Variants in PLEKHH2 observed in about 807,000 individuals in gnomAD.
The protein encoded by PLEKHH2 is pleckstrin homology domain-containing family H member 2.
In PLEKHH2, 129 loss-of-function variants were observed where a neutral mutation model predicts 187.9. That is an observed-to-expected ratio of 0.69 (90% confidence interval 0.59 to 0.79). The LOEUF (loss-of-function observed/expected upper bound fraction) is 0.79. Among genes scored for constraint, PLEKHH2 ranks in the 30% least tolerant of loss-of-function variants. The pLI, the probability that PLEKHH2 is intolerant of heterozygous loss-of-function variation, is 0.00. For synonymous variants in PLEKHH2, 686 were observed against 605.6 expected (o/e 1.13, Z -1.95); for missense variants, 2,076 against 1,751.2 (o/e 1.19, Z -3.31).
intron 3 of PLEKHH2, among the ~76,000 whole-genome samples, chr2:43,682,619 T>C (rs561758871): frequency 2.0e-5 from 3 of 152,316 alleles, no homozygotes; most frequent in South Asian, 4.1e-4. Context: ...TTAACATTTT[T>C]AAATGAACAT....
intron 3 of PLEKHH2, among the ~76,000 whole-genome samples, chr2:43,685,306 T>A (rs1350641774): frequency 6.6e-6 from 1 of 152,242 alleles, no homozygotes; most frequent in South Asian, 2.1e-4. Context: ...TGTTTATCAA[T>A]GAATGGCATC....
chr2:43,734,777 A>G (rs1261480887), intron 19 of PLEKHH2, among the ~76,000 whole-genome samples: 1 of 152,224 alleles, frequency 6.6e-6, no homozygotes, highest in Admixed American at 6.5e-5. Flanking sequence ...AAGTCAGTAT[A>G]TTGAAGAGAT....
At chr2:43,679,807 T>A (rs1301157023) in intron 3 of PLEKHH2, among the ~76,000 whole-genome samples, 1 of 152,174 alleles carries the variant, frequency 6.6e-6, no homozygotes, top group African/African-American at 2.4e-5. Context: ...TTTTCATACT[T>A]TGAGTTTTTT....
At chr2:43,762,206 G>A in intron 27 of PLEKHH2, 98 bp from the exon 28 acceptor site, 1 of 912,832 alleles carries the variant, frequency 1.1e-6, no homozygotes, top group East Asian at 2.5e-5. Flanking sequence ...TGTTATTATT[G>A]TTGTTTAATG....
chr2:43,745,716 C>T (rs904358981), intron 23 of PLEKHH2, 150 bp from the exon 24 acceptor site: 21 of 541,502 alleles, frequency 3.9e-5, no homozygotes, highest in Non-Finnish European at 6.5e-5. Context: ...ACATACTAAA[C>T]TCAGAGCCGC....
At chr2:43,680,888 A>T (rs761887494) in intron 3 of PLEKHH2, 17 of 576,116 alleles carry the variant, frequency 3.0e-5, no homozygotes, top group Admixed American at 7.6e-5. Context: ...TTTGACAAGT[A>T]GAATTTCTGT....
intron 20 of PLEKHH2, 108 bp downstream of exon 20, chr2:43,738,628 G>C (rs1391891359): frequency 8.1e-6 from 9 of 1,113,536 alleles, no homozygotes; most frequent in Non-Finnish European, 1.1e-5. Context: ...AAAAAGTGCA[G>C]AAGGAAAAAT....
intron 19 of PLEKHH2, among the ~76,000 whole-genome samples, chr2:43,733,991 A>G (rs1671173421): frequency 6.6e-6 from 1 of 152,204 alleles, no homozygotes; most frequent in Non-Finnish European, 1.5e-5. Context: ...GAAAATCTAA[A>G]CAGAGGAGTT....
At chr2:43,741,218 A>T (rs767023801) in intron 21 of PLEKHH2, 175 bp downstream of exon 21, 1 of 483,310 alleles carries the variant, frequency 2.1e-6, no homozygotes, top group Non-Finnish European at 3.5e-6. Context: ...TTCCTTTGTT[A>T]TGTTAAATCT....
chr2:43,753,068 A>G (rs997043199), intron 24 of PLEKHH2, among the ~76,000 whole-genome samples: 2 of 152,146 alleles, frequency 1.3e-5, no homozygotes, highest in African/African-American at 2.4e-5. Context: ...GCTGTGTCCA[A>G]GGTATTCAGG....
At chr2:43,647,435 A>T (rs1666234463) in intron 2 of PLEKHH2, among the ~76,000 whole-genome samples, 1 of 152,156 alleles carries the variant, frequency 6.6e-6, no homozygotes, top group Non-Finnish European at 1.5e-5. Flanking sequence ...CTATCAGCCT[A>T]TATGGCCTTT....
chr2:43,712,468 A>T, intron 15 of PLEKHH2, 85 bp downstream of exon 15: 1 of 1,420,012 alleles, frequency 7.0e-7, no homozygotes. Flanking sequence ...CAGAGCATAT[A>T]CATATATTGA....
chr2:43,683,320 G>C (rs1668327428), intron 3 of PLEKHH2, among the ~76,000 whole-genome samples: 1 of 151,796 alleles, frequency 6.6e-6, no homozygotes, highest in African/African-American at 2.4e-5. Context: ...TGTATTTTTA[G>C]TAGAGATGGG....
intron 26 of PLEKHH2, among the ~76,000 whole-genome samples, chr2:43,757,481 C>A (rs1217725527): frequency 1.3e-5 from 2 of 150,392 alleles, no homozygotes; most frequent in African/African-American, 4.9e-5. Context: ...GTGCAGTGGC[C>A]CAATCTCGGC....
At chr2:43,644,201 C>A (rs1448881611) in intron 1 of PLEKHH2, among the ~76,000 whole-genome samples, 4 of 152,020 alleles carry the variant, frequency 2.6e-5, no homozygotes, top group African/African-American at 9.7e-5. Context: ...TGTAATACTT[C>A]CTTAAATTTC....
At chr2:43,658,709 G>T (rs1666912955) in intron 2 of PLEKHH2, 1 of 152,242 alleles carries the variant, frequency 6.6e-6, no homozygotes, top group Admixed American at 6.5e-5. Context: ...GCTTCCCCCA[G>T]AGCAAGTCAT....
intron 2 of PLEKHH2, among the ~76,000 whole-genome samples, chr2:43,676,972 T>A (rs927439986): frequency 6.6e-6 from 1 of 152,176 alleles, no homozygotes; most frequent in African/African-American, 2.4e-5. Flanking sequence ...TTAGATTTAT[T>A]TTCTTGTTCT....
At chr2:43,760,652 C>T (rs933918396) in intron 27 of PLEKHH2, among the ~76,000 whole-genome samples, 1 of 152,120 alleles carries the variant, frequency 6.6e-6, no homozygotes, top group Non-Finnish European at 1.5e-5. Context: ...CGTGAGCCAC[C>T]GCATCTGGCC....
chr2:43,654,564 C>CTT (rs35454431), intron 2 of PLEKHH2, among the ~76,000 whole-genome samples: 1,734 of 126,438 alleles, frequency 0.014, 48 homozygotes, highest in African/African-American at 0.045. Context: ...AACTCCTTAA[C>CTT]TTTTTTTTTT....
Sources: gnomAD v4.1 joint callset for allele counts (sites outside exome capture counted in the v4.1 genomes callset) on GRCh38, gnomAD v4.1.1 for gene constraint, MANE v1.5 for transcripts, NCBI Gene and HGNC (gene_info 2026-07-23, HGNC 2026-07-21) for gene names.